INTS7: variants seen among roughly 807,000 people sequenced by gnomAD.
INTS7 encodes chromosome 1 open reading frame 73.
In INTS7, 46 loss-of-function variants were observed where a neutral mutation model predicts 109.2. That is an observed-to-expected ratio of 0.42 (90% confidence interval 0.33 to 0.54). The LOEUF (loss-of-function observed/expected upper bound fraction) is 0.54. Ranked by LOEUF, INTS7 falls within the 20% of genes least tolerant of loss-of-function variation. INTS7 has a pLI of 0.07. For missense variants in INTS7, 929 were observed against 1,132.4 expected (o/e 0.82, Z 2.58); for synonymous variants, 412 against 402.9 (o/e 1.02, Z -0.27).
At chr1:211,971,410 G>T (rs1330882208) in intron 13 of INTS7, among the ~76,000 whole-genome samples, 1 of 152,158 alleles carries the variant, frequency 6.6e-6, no homozygotes, top group Non-Finnish European at 1.5e-5. Flanking sequence ...ACTATAGAGT[G>T]GGAAAATAAA....
intron 1 of INTS7, 83 bp from the exon 2 acceptor site, chr1:212,021,295 T>C (rs1321112622): frequency 1.7e-6 from 2 of 1,152,262 alleles, no homozygotes; most frequent in Non-Finnish European, 2.5e-6. Flanking sequence ...TATAATTTAC[T>C]AGATAGTAAA....
At chr1:211,994,320 AT>A (rs1665275432) in intron 7 of INTS7, among the ~76,000 whole-genome samples, 2 of 152,032 alleles carry the variant, frequency 1.3e-5, no homozygotes, top group South Asian at 4.1e-4. Context: ...GTATTTCAGT[AT>A]TTTCAAAAAT....
At chr1:212,010,260 A>G (rs1432853192) in intron 5 of INTS7, among the ~76,000 whole-genome samples, 1 of 152,222 alleles carries the variant, frequency 6.6e-6, no homozygotes, top group Non-Finnish European at 1.5e-5. Context: ...CTGTAGCCCA[A>G]GAGCTCCCTT....
At chr1:211,956,931 C>T (rs371763851) in intron 16 of INTS7, among the ~76,000 whole-genome samples, 4 of 152,176 alleles carry the variant, frequency 2.6e-5, no homozygotes, top group East Asian at 1.9e-4. Context: ...CATTTCTCTT[C>T]GGTAGAACAG....
chr1:211,952,804 T>C, intron 16 of INTS7, 103 bp from the exon 17 acceptor site: 2 of 1,101,796 alleles, frequency 1.8e-6, no homozygotes, highest in Non-Finnish European at 2.6e-6. Flanking sequence ...ATTTTTAAAA[T>C]AATGAAGTTA....
chr1:211,950,481 A>G lies in INTS7; in HGVS notation c.2316+2088T>C, dbSNP rs1663038214. 4.6e-5 allele frequency among the ~76,000 whole-genome samples: 7 copies of G among 152,058 alleles called. No individual in the cohort carries two copies. In the South Asian group the frequency reaches 1.5e-3, roughly 32 times the overall value. ...CAGATGGGGTTTCACCATGTTGGGC[A>G]TGCTAGTCTAGAACTCCTGACCTCA... On this transcript the variant is annotated intron_variant, in intron 17 of 19. Transcript: ENST00000366994.
Position 211,941,661 on chromosome 1 carries a change from A to C in INTS7, c.*163T>G. On this transcript the variant is annotated 3_prime_UTR_variant, in exon 20 of 20. Transcript: ENST00000366994. ...GAGCAACCACGCCCAGCTGTCAGAC[A>C]AAATTTTTAAGAAAACAAAATTTTT... is the stretch of plus-strand genomic sequence containing the variant. 3 of 1,087,110 alleles carry C rather than the reference A, an allele frequency of 2.8e-6. No homozygotes were observed. Among genetic ancestry groups the C allele is most frequent in the Non-Finnish European group, 3.8e-6 (3 of 780,500 alleles). The allele number at this position is 1,087,110 out of a possible 1,614,324, so 67.3% of individuals were successfully genotyped here. A position where few individuals can be genotyped will look rare whatever the true frequency, so the allele number is the denominator to read the frequency against.
chr1:212,021,016 G>A, intron 2 of INTS7, 67 bp downstream of exon 2: 1 of 1,435,344 alleles, frequency 7.0e-7, no homozygotes, highest in Non-Finnish European at 9.5e-7. Context: ...AAAAGAAAAA[G>A]ACCACAATAT....
At chr1:211,958,080 AAC>A (rs201943442) in intron 16 of INTS7, among the ~76,000 whole-genome samples, 3,864 of 151,852 alleles carry the variant, frequency 0.025, 55 homozygotes, top group African/African-American at 0.044. Context: ...TAAAAAAAAA[AAC>A]AAAAACATTT....
At chr1:211,968,409 A>G (rs1398461476) in intron 14 of INTS7, 104 bp downstream of exon 14, 12 of 918,394 alleles carry the variant, frequency 1.3e-5, no homozygotes, top group South Asian at 3.8e-5. Context: ...ATTTATGATA[A>G]TGTCTGAGTC....
intron 8 of INTS7, among the ~76,000 whole-genome samples, chr1:211,984,303 A>C (rs1344962441): frequency 4.6e-5 from 7 of 152,152 alleles, no homozygotes; most frequent in Non-Finnish European, 8.8e-5. Flanking sequence ...ATGTTTTATA[A>C]CTTGTTTTTT....
intron 17 of INTS7, among the ~76,000 whole-genome samples, chr1:211,947,415 A>G (rs1662888601): frequency 6.6e-6 from 1 of 152,220 alleles, no homozygotes. Flanking sequence ...CCAGTCTAAT[A>G]GAAGAAAACT....
intron 13 of INTS7, among the ~76,000 whole-genome samples, chr1:211,970,460 C>T (rs914650356): frequency 2.0e-5 from 3 of 152,198 alleles, no homozygotes; most frequent in Non-Finnish European, 4.4e-5. Context: ...TACTATCTCA[C>T]ATTAGTCTTT....
At position 211,968,701 on chromosome 1, in the gene INTS7, T is replaced by C. The variant is rs1212211095; in HGVS notation, c.1822A>G (p.Ser608Gly). Reference protein sequence around the residue: ...HKGIASLTAASTPLNPLSFQC... With the variant: ...HKGIASLTAAGTPLNPLSFQC... ...AAGCTTAAAGGATTCAGTGGTGTAC[T>C]AGCTGCCTGGGAAAAAAAAAAAAAA... Residue 608 changes from serine to glycine, a missense_variant, in exon 14 of 20, where the codon AGT becomes GGT. Ser to Gly is a moderately conservative substitution (Grantham distance 56). Transcript: ENST00000366994. 6.4e-7 allele frequency: 1 copy of C among 1,571,852 alleles called. No homozygotes were observed. The highest frequency in any genetic ancestry group is 8.6e-7 in the Non-Finnish European group (1 of 1,162,668).
chr1:211,974,897 G>C lies in INTS7; in HGVS notation c.1815+269C>G, dbSNP rs1019330652. Among the ~76,000 whole-genome samples, 4 of 152,268 alleles carry C rather than the reference G, an allele frequency of 2.6e-5. No homozygotes were observed. In the East Asian group the frequency reaches 5.8e-4, roughly 22 times the overall value. On this transcript the variant is annotated intron_variant, in intron 13 of 19. Transcript: ENST00000366994. ...ACAGGCTGGAATCTTAGTCTGTAGA[G>C]GGAGCATCCTGTCTACACACCACTT...
chr1:211,980,279 C>T (rs1664599666), intron 10 of INTS7, among the ~76,000 whole-genome samples: 1 of 152,110 alleles, frequency 6.6e-6, no homozygotes, highest in South Asian at 2.1e-4. Context: ...CTAAAATGAG[C>T]CATGACTTCC....
At chr1:211,989,412 C>A in intron 7 of INTS7, among the ~76,000 whole-genome samples, 2 of 150,262 alleles carry the variant, frequency 1.3e-5, no homozygotes, top group African/African-American at 2.5e-5. Context: ...AAAACCAAAA[C>A]TGTAAAAAGT....
chr1:211,984,160 T>C (rs926587045), intron 8 of INTS7, among the ~76,000 whole-genome samples: 4 of 152,134 alleles, frequency 2.6e-5, no homozygotes, highest in African/African-American at 7.2e-5. Context: ...CCCTTCAGTG[T>C]TTTTAAGTTA....
In INTS7 at chr1:212,016,955, A is replaced by G. The variant is rs752615131; in HGVS notation, c.440T>C (p.Leu147Ser). 6.2e-7 allele frequency: 1 copy of G among 1,605,834 alleles called. No individual in the cohort carries two copies. The highest frequency in any genetic ancestry group is 1.1e-5 in the South Asian group (1 of 89,628). Residue 147 changes from leucine (L) to serine (S), a missense_variant, in exon 4 of 20, where the codon TTA (leucine) becomes TCA (serine). Coordinates refer to ENST00000366994, the MANE Select transcript of INTS7 (RefSeq NM_015434.4). ...AACTTCTACATTATCATGTGAATCT[A>G]AACTCTGACGAATACTATGATGAGC... The part of the protein sequence containing the change: ...KNAHHSIRQS[L>S]DSHDNVEVEA...
Sources: gnomAD v4.1 joint callset for allele counts (sites outside exome capture counted in the v4.1 genomes callset) on GRCh38, gnomAD v4.1.1 for gene constraint, MANE v1.5 for transcripts, NCBI Gene and HGNC (gene_info 2026-07-23, HGNC 2026-07-21) for gene names.